The following PPFIA1 variants were observed in gnomAD, a reference collection of about 807,000 sequenced individuals.
The protein encoded by PPFIA1 is PPFI scaffold protein A1.
Under a neutral mutation model 149.9 loss-of-function variants are expected in PPFIA1, and 25 were observed. That is an observed-to-expected ratio of 0.17 (90% CI 0.12 to 0.23). PPFIA1 has a LOEUF of 0.23. Ranked by LOEUF, PPFIA1 falls within the 10% of genes least tolerant of loss-of-function variation. PPFIA1 has a pLI of 1.00. For missense variants in PPFIA1, 1,362 were observed against 1,506.5 expected, an observed-to-expected ratio of 0.90 and a Z score of 1.59; for synonymous variants, 549 against 552.8, an observed-to-expected ratio of 0.99 and a Z score of 0.10.
chr11:70,330,133 A>G, intron 7 of PPFIA1, 40 bp from the exon 8 acceptor site: 3 of 1,519,932 alleles, frequency 2.0e-6, no homozygotes, highest in Non-Finnish European at 2.7e-6. Flanking sequence ...GTAATCGTTA[A>G]TTACCTACTT....
chr11:70,296,310 C>T (rs1227464615), intron 2 of PPFIA1, among the ~76,000 whole-genome samples: 1 of 152,058 alleles, frequency 6.6e-6, no homozygotes, highest in Middle Eastern at 3.2e-3. Flanking sequence ...ACTCTGGGCA[C>T]TTTGGGAGGC....
chr11:70,277,055 TA>T (rs1206640926), intron 2 of PPFIA1, among the ~76,000 whole-genome samples: 10 of 39,642 alleles, frequency 2.5e-4, no homozygotes, highest in African/African-American at 5.7e-4. Context: ...TATATATATA[TA>T]TATATTTTTT....
chr11:70,365,932 T>G (rs2056907887), intron 21 of PPFIA1: 1 of 456,578 alleles, frequency 2.2e-6, no homozygotes, highest in African/African-American at 2.0e-5. Flanking sequence ...CCTAACCACG[T>G]AACCCCAGGA....
At chr11:70,310,587 T>C (rs1171483361) in intron 2 of PPFIA1, among the ~76,000 whole-genome samples, 1 of 152,134 alleles carries the variant, frequency 6.6e-6, no homozygotes, top group Non-Finnish European at 1.5e-5. Context: ...GGTTTCACCA[T>C]GTTGGCCAGA....
chr11:70,274,321 T>G (rs1409792045), intron 2 of PPFIA1, among the ~76,000 whole-genome samples: 1 of 152,136 alleles, frequency 6.6e-6, no homozygotes, highest in Non-Finnish European at 1.5e-5. Context: ...AAATCGTAAG[T>G]ATACATCTCA....
At chr11:70,304,499 T>TA (rs1047659496) in intron 2 of PPFIA1, among the ~76,000 whole-genome samples, 2 of 152,186 alleles carry the variant, frequency 1.3e-5, no homozygotes, top group African/African-American at 4.8e-5. Flanking sequence ...TGGGTAAATG[T>TA]AAGTAAAGTG....
At chr11:70,342,547 C>T (rs527411588) in intron 14 of PPFIA1, among the ~76,000 whole-genome samples, 1 of 152,326 alleles carries the variant, frequency 6.6e-6, no homozygotes, top group East Asian at 1.9e-4. Flanking sequence ...TTGAGGTTGC[C>T]CTTGATTCTC....
chr11:70,294,708 C>T (rs2051780379), intron 2 of PPFIA1, among the ~76,000 whole-genome samples: 1 of 151,926 alleles, frequency 6.6e-6, no homozygotes, highest in Middle Eastern at 3.4e-3. Flanking sequence ...TGGCCTTCCG[C>T]AGTGTTTGTG....
chr11:70,364,620 A>G (rs1055318324), intron 21 of PPFIA1: 2 of 152,186 alleles, frequency 1.3e-5, no homozygotes, highest in African/African-American at 4.8e-5. Context: ...GTGATGAACA[A>G]TAAGCTTTGT....
At chr11:70,337,516 G>T (rs1246723324) in intron 12 of PPFIA1, 89 bp downstream of exon 12, 7 of 1,014,946 alleles carry the variant, frequency 6.9e-6, no homozygotes, top group Non-Finnish European at 9.9e-6. Context: ...ACAGTGGAGA[G>T]CAGCTTGGTT....
intron 2 of PPFIA1, among the ~76,000 whole-genome samples, chr11:70,313,789 G>A (rs889639168): frequency 4.7e-4 from 71 of 152,298 alleles, no homozygotes; most frequent in African/African-American, 1.7e-3. Flanking sequence ...ACTTTGGGAG[G>A]TGGAGGCAGG....
At chr11:70,353,516 C>T (rs1288001815) in intron 16 of PPFIA1, among the ~76,000 whole-genome samples, 1 of 152,176 alleles carries the variant, frequency 6.6e-6, no homozygotes, top group Non-Finnish European at 1.5e-5. Flanking sequence ...TCTGCCTAGA[C>T]CCTGCAGGGG....
chr11:70,326,214 T>C, intron 5 of PPFIA1, 48 bp from the exon 6 acceptor site: 1 of 1,081,780 alleles, frequency 9.2e-7, no homozygotes, highest in Non-Finnish European at 1.4e-6. Flanking sequence ...TTTACTTATT[T>C]CTCTTATGTA....
intron 21 of PPFIA1, chr11:70,365,883 C>G: frequency 2.2e-6 from 1 of 451,878 alleles, no homozygotes; most frequent in Middle Eastern, 3.3e-4. Context: ...GCCTGCATTA[C>G]CGAGCTCACC....
chr11:70,357,736 C>T (rs548110849), intron 19 of PPFIA1, among the ~76,000 whole-genome samples: 25 of 152,104 alleles, frequency 1.6e-4, no homozygotes, highest in African/African-American at 3.9e-4. Flanking sequence ...TACAGGCGCC[C>T]GCCACCACAC....
At chr11:70,301,102 G>A (rs1040001767) in intron 2 of PPFIA1, among the ~76,000 whole-genome samples, 5 of 152,104 alleles carry the variant, frequency 3.3e-5, no homozygotes, top group African/African-American at 7.2e-5. Flanking sequence ...GGTCCTCTGC[G>A]TACCAATTTT....
In PPFIA1 at chr11:70,383,542, T is replaced by A. The variant is rs1041653463; in HGVS notation, c.*552T>A. 3.2e-5 allele frequency: 5 copies of A among 158,606 alleles called. No individual in the cohort carries two copies. The highest frequency in any genetic ancestry group is 1.2e-4 in the African/African-American group (5 of 41,496). 9.8% of individuals were successfully genotyped at this position (158,606 alleles called of 1,614,324 possible). A position where few individuals can be genotyped will look rare whatever the true frequency, so the allele number is the denominator to read the frequency against. On this transcript the variant is annotated 3_prime_UTR_variant, in exon 28 of 28. Transcript: ENST00000253925. ...ATTTCAAGCAATTGTTGTATTTTCA[T>A]GACTGACCTTAACTGTACTTTTTCT...
At chr11:70,276,740 G>T (rs2050400103) in intron 2 of PPFIA1, among the ~76,000 whole-genome samples, 1 of 151,960 alleles carries the variant, frequency 6.6e-6, no homozygotes, top group South Asian at 2.1e-4. Context: ...TGTCTATTTA[G>T]ATAAAGCATT....
chr11:70,329,741 G>C (rs992677448), intron 7 of PPFIA1, among the ~76,000 whole-genome samples: 1 of 152,198 alleles, frequency 6.6e-6, no homozygotes, highest in Non-Finnish European at 1.5e-5. Context: ...CAGCCTGGGC[G>C]ATATAGTAAG....
Sources: gnomAD v4.1 joint callset for allele counts (sites outside exome capture counted in the v4.1 genomes callset) on GRCh38, gnomAD v4.1.1 for gene constraint, MANE v1.5 for transcripts, NCBI Gene and HGNC (gene_info 2026-07-23, HGNC 2026-07-21) for gene names.